GPC6: variants seen among roughly 807,000 people sequenced by gnomAD.
The protein encoded by GPC6 is glypican-6.
GPC6 carries 14 observed loss-of-function variants against 55.2 expected under a neutral mutation model. That is an observed-to-expected ratio of 0.25 (90% CI 0.17 to 0.40). The LOEUF (loss-of-function observed/expected upper bound fraction) is 0.40, where lower values mean the gene tolerates loss of function less well. Ranked by LOEUF, GPC6 falls within the 10% of genes least tolerant of loss-of-function variation. GPC6 has a pLI of 1.00. For synonymous variants in GPC6, 278 were observed against 259.6 expected (o/e 1.07, Z -0.68); for missense variants, 641 against 708.5 (o/e 0.90, Z 1.08).
intron 3 of GPC6, among the ~76,000 whole-genome samples, chr13:93,852,022 G>C (rs1170135243): frequency 6.6e-6 from 1 of 151,528 alleles, no homozygotes; most frequent in African/African-American, 2.4e-5. Flanking sequence ...TTTACATAGA[G>C]GTGAAAAAAG....
At chr13:93,824,588 C>CA (rs1887168122) in intron 2 of GPC6, among the ~76,000 whole-genome samples, 1 of 146,570 alleles carries the variant, frequency 6.8e-6, no homozygotes, top group Non-Finnish European at 1.5e-5. Context: ...TGATAGCCAA[C>CA]TTTTTTTTTT....
At chr13:93,245,261 A>G (rs925740869) in intron 1 of GPC6, among the ~76,000 whole-genome samples, 24 of 152,248 alleles carry the variant, frequency 1.6e-4, no homozygotes, top group Non-Finnish European at 1.9e-4. Context: ...ACTGAAAATT[A>G]TCTATACTTG....
At chr13:93,850,978 A>G (rs1888372526) in intron 3 of GPC6, among the ~76,000 whole-genome samples, 1 of 152,026 alleles carries the variant, frequency 6.6e-6, no homozygotes, top group African/African-American at 2.4e-5. Context: ...ACTAGCAGTT[A>G]TTTTGAAAGT....
Position 93,820,597 on chromosome 13 carries a change from GT to G in GPC6, c.320-9556del, listed in dbSNP as rs200765868. On this transcript the variant is annotated intron_variant, in intron 2 of 8. Transcript: ENST00000377047. ...GTTTAAATTTCTATTTTTATTAATT[GT>G]CATGAATGGAAAGTTAAAAAAAAAA... 1.1e-3 allele frequency among the ~76,000 whole-genome samples: 170 copies of G among 149,968 alleles called. 3 individuals carry two copies. The East Asian group carries it at 0.03, about 27-fold the overall frequency.
At chr13:93,223,019 C>CTTTTTTTTTTTTTT (rs3073915), upstream of GPC6, among the ~76,000 whole-genome samples, 10 of 100,810 alleles carry the variant, frequency 9.9e-5, no homozygotes, top group African/African-American at 3.0e-4. Flanking sequence ...AGGGAAAACA[C>CTTTTTTTTTTTTTT]TTTTTTTTTT....
At chr13:94,316,807 G>A (rs1199942775) in intron 6 of GPC6, among the ~76,000 whole-genome samples, 1 of 152,120 alleles carries the variant, frequency 6.6e-6, no homozygotes, top group African/African-American at 2.4e-5. Flanking sequence ...TTTAAATGAG[G>A]CTTTGATATT....
At chr13:94,251,528 C>CA (rs1243601819) in intron 4 of GPC6, among the ~76,000 whole-genome samples, 1 of 151,782 alleles carries the variant, frequency 6.6e-6, no homozygotes, top group African/African-American at 2.4e-5. Flanking sequence ...ACAAAGCCCC[C>CA]AAATCCCAGA....
At chr13:93,496,539 C>G (rs944381885) in intron 1 of GPC6, among the ~76,000 whole-genome samples, 3 of 152,156 alleles carry the variant, frequency 2.0e-5, no homozygotes, top group African/African-American at 7.2e-5. Flanking sequence ...GCTCCTCCCA[C>G]TATTATTATT....
intron 4 of GPC6, 92 bp downstream of exon 4, chr13:94,027,986 C>T (rs1033192398): frequency 2.6e-6 from 3 of 1,146,680 alleles, no homozygotes; most frequent in Non-Finnish European, 3.9e-6. Flanking sequence ...TATAAGAAAC[C>T]AGACACAGTG....
chr13:93,700,970 GT>G (rs1882647440), intron 2 of GPC6, among the ~76,000 whole-genome samples: 1 of 152,076 alleles, frequency 6.6e-6, no homozygotes, highest in African/African-American at 2.4e-5. Context: ...TCAGTTAAAA[GT>G]TTTTTGCAGA....
At chr13:93,514,618 C>T (rs1881113969) in intron 1 of GPC6, among the ~76,000 whole-genome samples, 2 of 152,188 alleles carry the variant, frequency 1.3e-5, no homozygotes, top group South Asian at 2.1e-4. Context: ...TGCGTATGGG[C>T]ACATGTTAGA....
intron 3 of GPC6, among the ~76,000 whole-genome samples, chr13:93,921,377 C>T (rs116913881): frequency 0.02 from 3,004 of 152,240 alleles, 49 homozygotes; most frequent in Middle Eastern, 0.044. Flanking sequence ...AGCTCAGTGC[C>T]CTCTTGGCAC....
At chr13:93,577,467 C>T (rs1246544922) in intron 2 of GPC6, among the ~76,000 whole-genome samples, 11 of 143,632 alleles carry the variant, frequency 7.7e-5, no homozygotes, top group South Asian at 2.3e-4. Context: ...CCACCTCTAC[C>T]GCTGCTGTTC....
At chr13:93,563,687 C>G (rs1231603683) in intron 2 of GPC6, among the ~76,000 whole-genome samples, 1 of 150,984 alleles carries the variant, frequency 6.6e-6, no homozygotes, top group African/African-American at 2.4e-5. Context: ...ATTCTTGAGT[C>G]ATTCCTTGGT....
chr13:93,963,072 T>A (rs1001411268), intron 3 of GPC6, among the ~76,000 whole-genome samples: 6 of 152,190 alleles, frequency 3.9e-5, no homozygotes, highest in Non-Finnish European at 7.4e-5. Context: ...AGCATTTTTT[T>A]ATATTCTTTA....
intron 2 of GPC6, among the ~76,000 whole-genome samples, chr13:93,636,912 C>G (rs994419835): frequency 3.3e-5 from 5 of 149,448 alleles, no homozygotes; most frequent in African/African-American, 1.2e-4. Flanking sequence ...TCAAACAGCA[C>G]AGAATAATGG....
In GPC6 at chr13:93,729,428, A is replaced by G. The variant is rs149195776; in HGVS notation, c.320-100726A>G. Among the ~76,000 whole-genome samples, 19 of 152,296 alleles carry G rather than the reference A, an allele frequency of 1.2e-4. No individual in the cohort carries two copies. In the East Asian group the frequency reaches 3.5e-3, roughly 28 times the overall value. On this transcript the variant is annotated intron_variant, in intron 2 of 8. Coordinates refer to ENST00000377047, the MANE Select transcript of GPC6 (RefSeq NM_005708.5). ...AGCTCAAATATCCAAACAGCAGTAA[A>G]CTTACATAAAGGTACAAGGAGTCAT...
intron 1 of GPC6, among the ~76,000 whole-genome samples, chr13:93,249,260 T>C (rs886562433): frequency 7.9e-5 from 12 of 152,210 alleles, no homozygotes; most frequent in African/African-American, 2.9e-4. Flanking sequence ...GGGAAAATAA[T>C]TAATGGAACC....
chr13:93,596,656 A>T (rs1877751440), intron 2 of GPC6, among the ~76,000 whole-genome samples: 1 of 147,852 alleles, frequency 6.8e-6, no homozygotes, highest in Non-Finnish European at 1.5e-5. Context: ...GTGTATATGC[A>T]TATATAAGTG....
Sources: gnomAD v4.1 joint callset for allele counts (sites outside exome capture counted in the v4.1 genomes callset) on GRCh38, gnomAD v4.1.1 for gene constraint, MANE v1.5 for transcripts, NCBI Gene and HGNC (gene_info 2026-07-23, HGNC 2026-07-21) for gene names.